The following FKBP7 variants were observed in gnomAD, a reference collection of about 807,000 sequenced individuals.
FKBP7 encodes the protein FKBP prolyl isomerase 7.
A neutral mutation model predicts 24.3 loss-of-function variants in FKBP7; 24 were observed. That is an observed-to-expected ratio of 0.99 (90% confidence interval 0.72 to 1.39). The LOEUF is 1.39. Among genes scored for constraint, FKBP7 ranks in the 40% most tolerant of loss-of-function variants. The pLI is 0.00. For synonymous variants in FKBP7, 98 were observed against 92.8 expected (o/e 1.06, Z -0.32); for missense variants, 257 against 269.5 (o/e 0.95, Z 0.33).
Position 178,469,515 on chromosome 2 carries a change from T to A in FKBP7, c.507+137A>T, listed in dbSNP as rs970034086. ...GAGCTTTTTCTAAGCGCTTAGATTA[T>A]TTTTTAGTGACCAGCTCTATAAAAG... On this transcript the variant is annotated intron_variant, in intron 3 of 3. Coordinates refer to ENST00000424785, the MANE Select transcript of FKBP7 (RefSeq NM_181342.3). The A allele has an allele frequency of 1.0e-5, 9 of 897,374 alleles. No individual in the cohort carries two copies. The African/African-American group carries it at 1.5e-4, about 15-fold the overall frequency. 55.6% of individuals were successfully genotyped at this position (897,374 alleles called of 1,614,324 possible).
rs957795544 is a variant in FKBP7, at chr2:178,464,367, A to G, written c.*1403T>C. 1.3e-5 allele frequency: 2 copies of G among 152,228 alleles called. No homozygotes were observed. Among genetic ancestry groups the G allele is most frequent in the African/African-American group, 2.4e-5 (1 of 41,454 alleles). 9.4% of individuals were successfully genotyped at this position (152,228 alleles called of 1,614,324 possible). A position where few individuals can be genotyped will look rare whatever the true frequency, so the allele number is the denominator to read the frequency against. On this transcript the variant is annotated 3_prime_UTR_variant, in exon 4 of 4. Coordinates refer to ENST00000424785, the MANE Select transcript of FKBP7 (RefSeq NM_181342.3). ...ATAAAGAACTGCCCCAGACTGGGTA[A>G]TTTGTAAAGGAAAGAGGTTAAATTG...
At chr2:178,472,898 C>CT (rs1251344393) in intron 2 of FKBP7, 65 of 174,600 alleles carry the variant, frequency 3.7e-4, no homozygotes, top group Admixed American at 5.3e-4. Flanking sequence ...ACCTCTTTTT[C>CT]TTGTTTTTTT....
chr2:178,477,300 C>A lies in FKBP7; in HGVS notation c.222-87G>T. The stretch of plus-strand genomic sequence containing the variant: ...TGGGCATTTAAAATTGGAGTCCTCT[C>A]TAACCATCATTCCCATATAATCACT... On this transcript the variant is annotated intron_variant, in intron 1 of 3. Transcript: ENST00000424785. 2 of 1,334,804 alleles carry A rather than the reference C, an allele frequency of 1.5e-6. 1 individual carries two copies. Among genetic ancestry groups the A allele is most frequent in the Non-Finnish European group, 2.1e-6 (2 of 951,136 alleles). 82.7% of individuals were successfully genotyped at this position (1,334,804 alleles called of 1,614,324 possible).
rs1684801420 is a variant in FKBP7 at position 178,469,895 on chromosome 2, T to A, written c.374-110A>T. Reference sequence around the variant, plus strand: ...TATTTCATGTTGATAAGAATTGCTATCTGAATACTCACAATTTTTAATTTT... The same window carrying A: ...TATTTCATGTTGATAAGAATTGCTAACTGAATACTCACAATTTTTAATTTT... On this transcript the variant is annotated intron_variant, in intron 2 of 3. Transcript: ENST00000424785. The A allele has an allele frequency of 8.9e-6, 7 of 785,178 alleles. No homozygotes were observed. The East Asian group carries it at 2.3e-4, about 25-fold the overall frequency. 48.6% of individuals were successfully genotyped at this position (785,178 alleles called of 1,614,324 possible).
intron 2 of FKBP7, among the ~76,000 whole-genome samples, chr2:178,473,786 GACA>G (rs753886389): frequency 6.6e-6 from 1 of 152,176 alleles, no homozygotes; most frequent in Non-Finnish European, 1.5e-5. Flanking sequence ...CTCAACTTTT[GACA>G]ACATTTTTAG....
Position 178,465,866 on chromosome 2 carries a change from A to T in FKBP7, c.573T>A (p.Asp191Glu). 1 of 1,612,260 alleles carries T rather than the reference A, an allele frequency of 6.2e-7. No individual in the cohort carries two copies. Among genetic ancestry groups the T allele is most frequent in the Non-Finnish European group, 8.5e-7 (1 of 1,179,248 alleles). Residue 191 changes from aspartate to glutamate, a missense_variant, in exon 4 of 4, where the codon GAT becomes GAA. Transcript: ENST00000424785. ...TCTTAAAAATATCTTCTAAAACTGC[A>T]TCCTGATATGACTTGTCACGTGGCT... Reference protein sequence around the residue: ...DEKPRDKSYQDAVLEDIFKKN... With the variant: ...DEKPRDKSYQEAVLEDIFKKN...
rs537383828 is a variant in FKBP7 at position 178,478,467 on chromosome 2, G to T, written c.33C>A (p.Phe11Leu). Residue 11 changes from phenylalanine (F) to leucine (L), a missense_variant, in exon 1 of 4, where the codon TTC becomes TTA. Coordinates refer to ENST00000424785, the MANE Select transcript of FKBP7 (RefSeq NM_181342.3). The part of the protein sequence containing the change: MPKTMHFLFR[F>L]IVFFYLWGLF... ...GGCCCCACAGATAAAAGAAAACAAT[G>T]AATCTGAATAAGAAATGCATGGTTT... 2.8e-5 allele frequency: 46 copies of T among 1,614,066 alleles called. No individual in the cohort carries two copies. Among genetic ancestry groups the T allele is most frequent in the Non-Finnish European group, 3.4e-5 (40 of 1,180,042 alleles).
intron 2 of FKBP7, 79 bp downstream of exon 2, chr2:178,476,983 T>C (rs1685027483): frequency 9.5e-7 from 1 of 1,054,206 alleles, no homozygotes; most frequent in Non-Finnish European, 1.4e-6. Context: ...TTTCAATTCT[T>C]TCAGACCTAT....
At chr2:178,472,463 G>A (rs963848017) in intron 2 of FKBP7, among the ~76,000 whole-genome samples, 1 of 151,910 alleles carries the variant, frequency 6.6e-6, no homozygotes, top group East Asian at 2.0e-4. Flanking sequence ...TATTGGCCGG[G>A]CGCAGTGGCT....
rs189738851 is a variant in FKBP7, at chr2:178,470,538, C to A, written c.374-753G>T. ...GAAAAATTGCAAAGCATAGATGAGT[C>A]ATCTTTTAGAAAGTGATTTTGTGTA... On this transcript the variant is annotated intron_variant, in intron 2 of 3. Transcript: ENST00000424785. 1.4e-3 allele frequency among the ~76,000 whole-genome samples: 220 copies of A among 152,290 alleles called. 5 individuals carry two copies. In the South Asian group the frequency reaches 0.022, roughly 15 times the overall value.
chr2:178,477,191 G>T lies in FKBP7; in HGVS notation c.244C>A (p.Pro82Thr), dbSNP rs766857407. 6.2e-7 allele frequency: 1 copy of T among 1,610,182 alleles called. No homozygotes were observed. The highest frequency in any genetic ancestry group is 1.7e-5 in the Admixed American group (1 of 59,002). The change falls in exon 2 of 4, where the codon CCC becomes ACC. Residue 82 changes from proline to threonine, a missense_variant. Coordinates refer to ENST00000424785, the MANE Select transcript of FKBP7 (RefSeq NM_181342.3). ...CCAACACCAAGAACAAACCATTTGG[G>T]GTGGCCTTCATTTTGTGTCCGGCTA... ...YCSRTQNEGHPKWFVLGVGQV... is the reference protein window; with the variant it reads ...YCSRTQNEGHTKWFVLGVGQV...
In FKBP7 at chr2:178,478,176, A is replaced by G. The variant is rs1685066337; in HGVS notation, c.221+103T>C. On this transcript the variant is annotated intron_variant, in intron 1 of 3. Transcript: ENST00000424785. ...AATAAAGGGCTCAACTTTTACCGTT[A>G]AAAAATAAAACCCCAACCAACCAAC... 2.3e-6 allele frequency: 3 copies of G among 1,323,880 alleles called. No homozygotes were observed. The Admixed American group carries it at 6.7e-5, about 30-fold the overall frequency. 82.0% of individuals were successfully genotyped at this position (1,323,880 alleles called of 1,614,324 possible).
In FKBP7 at chr2:178,478,379, G is replaced by A; in HGVS notation, c.121C>T (p.His41Tyr). 1 of 1,614,188 alleles carries A rather than the reference G, an allele frequency of 6.2e-7. No individual in the cohort carries two copies. The highest frequency in any genetic ancestry group is 8.5e-7 in the Non-Finnish European group (1 of 1,180,032). ...STEEVKIEVL[H>Y]RPENCSKTSK... The stretch of plus-strand genomic sequence containing the variant: ...GTCTTAGAGCAGTTTTCTGGACGAT[G>A]CAAAACTTCTATTTTCACTTCTTCG... Residue 41 changes from histidine to tyrosine, a missense_variant, in exon 1 of 4, where the codon CAT becomes TAT. By Grantham distance (83) the His-to-Tyr change is moderately conservative (BLOSUM62 2). Transcript: ENST00000424785.
chr2:178,473,925 A>T (rs1684926639), intron 2 of FKBP7, among the ~76,000 whole-genome samples: 1 of 152,190 alleles, frequency 6.6e-6, no homozygotes, highest in African/African-American at 2.4e-5. Context: ...GGATCAAATT[A>T]TTGGCAAAAA....
intron 1 of FKBP7, 93 bp downstream of exon 1, chr2:178,478,186 A>C (rs1199274530): frequency 7.0e-7 from 1 of 1,435,256 alleles, no homozygotes. Flanking sequence ...AAAAAATAAA[A>C]CCCCAACCAA....
intron 1 of FKBP7, 134 bp from the exon 2 acceptor site, chr2:178,477,347 G>T: frequency 1.2e-6 from 1 of 822,084 alleles, no homozygotes; most frequent in South Asian, 1.9e-5. Flanking sequence ...CCTTAATGGG[G>T]TGTTTGACTC....
At chr2:178,466,284 T>C (rs777310312) in intron 3 of FKBP7, among the ~76,000 whole-genome samples, 20 of 152,270 alleles carry the variant, frequency 1.3e-4, no homozygotes, top group Non-Finnish European at 2.5e-4. Context: ...AGAAACCCAA[T>C]TGGCATTTCT....
At chr2:178,473,778 C>G (rs73973116) in intron 2 of FKBP7, among the ~76,000 whole-genome samples, 6,877 of 152,268 alleles carry the variant, frequency 0.045, 491 homozygotes, top group African/African-American at 0.15. Flanking sequence ...GAAGTGGCCT[C>G]AACTTTTGAC....
At chr2:178,469,254 A>C (rs1259587231) in intron 3 of FKBP7, among the ~76,000 whole-genome samples, 1 of 152,170 alleles carries the variant, frequency 6.6e-6, no homozygotes, top group African/African-American at 2.4e-5. Context: ...CTGTTTACCA[A>C]CTTTCTAGCC....
Sources: allele counts gnomAD v4.1 joint callset (sites outside exome capture counted in the v4.1 genomes callset), GRCh38; gene constraint gnomAD v4.1.1; transcripts MANE v1.5; gene names NCBI Gene and HGNC (gene_info 2026-07-23, HGNC 2026-07-21).